TOGARAM2: variants seen among roughly 807,000 people sequenced by gnomAD.
The protein encoded by TOGARAM2 is TOG array regulator of axonemal microtubules 2, also known as TOG array regulator of axonemal microtubules protein 2.
Under a neutral mutation model 93.3 loss-of-function variants are expected in TOGARAM2, and 85 were observed. The ratio of observed to expected loss-of-function variants is 0.91; its 90% CI spans 0.76 to 1.09. The LOEUF (loss-of-function observed/expected upper bound fraction) is 1.09, where lower values mean the gene tolerates loss of function less well. Ranked by LOEUF, TOGARAM2 falls within the 50% of genes least tolerant of loss-of-function variation. The pLI, the probability that TOGARAM2 is intolerant of heterozygous loss-of-function variation, is 0.00. For synonymous variants in TOGARAM2, 593 were observed against 552.8 expected (o/e 1.07, Z -1.02); for missense variants, 1,277 against 1,334.5 (o/e 0.96, Z 0.67).
chr2:29,017,194 A>C lies in TOGARAM2; in HGVS notation c.1085A>C (p.Gln362Pro). Residue 362 changes from glutamine to proline, a missense_variant, in exon 9 of 20, where the codon CAG becomes CCG. By Grantham distance (76) the Gln-to-Pro change is moderately conservative. Coordinates refer to ENST00000379558, the MANE Select transcript of TOGARAM2 (RefSeq NM_199280.4). ...TCCAAGTCTGCCCGGGAGAAGATGC[A>C]GCTGAAGCAGATGAAGGAGATGGAG... ...TISKSAREKM[Q>P]LKQMKEMELL... is the part of the protein sequence containing the mutation. 6.2e-7 allele frequency: 1 copy of C among 1,613,706 alleles called. No homozygotes were observed. The highest frequency in any genetic ancestry group is 1.7e-5 in the Admixed American group (1 of 60,006).
At position 28,992,604 on chromosome 2, in the gene TOGARAM2, C is replaced by T. The variant is rs188704852; in HGVS notation, c.-110-2121C>T. On this transcript the variant is annotated intron_variant, in intron 1 of 19. Coordinates refer to ENST00000379558, the MANE Select transcript of TOGARAM2 (RefSeq NM_199280.4). Reference sequence around the variant, plus strand: ...TTAAGCATCCCGTAACCTCAGGCGGCTCGAGTCTTCTTTTTAGCCTCCTAG... The same window carrying T: ...TTAAGCATCCCGTAACCTCAGGCGGTTCGAGTCTTCTTTTTAGCCTCCTAG... Among the ~76,000 whole-genome samples the T allele has an allele frequency of 4.5e-4, 69 of 152,288 alleles. 1 individual carries two copies. The highest frequency in any genetic ancestry group is 3.7e-3 in the Admixed American group (57 of 15,296).
chr2:29,027,041 A>G (rs1168451614), intron 14 of TOGARAM2, 30 bp downstream of exon 14: 5 of 1,525,508 alleles, frequency 3.3e-6, no homozygotes, highest in Middle Eastern at 4.0e-4. Context: ...CTGGGGGCAG[A>G]GAAGGCAACC....
chr2:28,986,832 A>C lies in TOGARAM2; in HGVS notation c.-111+5294A>C, dbSNP rs183616234. Among the ~76,000 whole-genome samples, 221 of 152,370 alleles carry C rather than the reference A, an allele frequency of 1.5e-3. 1 individual carries two copies. The highest frequency in any genetic ancestry group is 3.1e-3 in the Admixed American group (48 of 15,310). ...CACTGTGGATCGAGCCCTTGGGCCC[A>C]ATCAGCCTATTAAATGTTTCTCATA... On this transcript the variant is annotated intron_variant, in intron 1 of 19. Coordinates refer to ENST00000379558, the MANE Select transcript of TOGARAM2 (RefSeq NM_199280.4).
intron 13 of TOGARAM2, among the ~76,000 whole-genome samples, chr2:29,026,125 G>A (rs1227092707): frequency 6.6e-6 from 1 of 152,178 alleles, no homozygotes; most frequent in Admixed American, 6.5e-5. Context: ...ATTCAGCAAG[G>A]AGTCCTTACT....
intron 2 of TOGARAM2, among the ~76,000 whole-genome samples, chr2:28,997,371 C>A (rs1673044298): frequency 6.6e-6 from 1 of 152,222 alleles, no homozygotes; most frequent in Non-Finnish European, 1.5e-5. Flanking sequence ...ATGCTCTCAG[C>A]TCAGTGGTCC....
intron 8 of TOGARAM2, among the ~76,000 whole-genome samples, chr2:29,015,083 G>T (rs537428422): frequency 2.1e-4 from 32 of 152,330 alleles, no homozygotes; most frequent in Admixed American, 2.1e-3. Flanking sequence ...GAAGCTTGGG[G>T]AGTCACTGTA....
chr2:29,035,335 G>A, intron 16 of TOGARAM2, 129 bp from the exon 17 acceptor site: 1 of 791,294 alleles, frequency 1.3e-6, no homozygotes, highest in Non-Finnish European at 1.7e-6. Flanking sequence ...GAAGCTGGGG[G>A]TGGACTAACC....
At chr2:28,975,954 AAT>A (rs1672020262) in intron 1 of TOGARAM2, among the ~76,000 whole-genome samples, 4 of 78,890 alleles carry the variant, frequency 5.1e-5, no homozygotes, top group Admixed American at 4.6e-4. Context: ...AAAAAATGAC[AAT>A]ATATGTACAG....
intron 10 of TOGARAM2, chr2:29,018,722 A>G (rs1408815568): frequency 6.6e-6 from 1 of 152,148 alleles, no homozygotes; most frequent in East Asian, 1.9e-4. Context: ...GCTAGTCTTT[A>G]GCACCTCTTT....
chr2:29,019,198 T>A lies in TOGARAM2; in HGVS notation c.1360+1242T>A, dbSNP rs866583244. ...GACTCTTTTTTTTTTTTTTTTTTTT[T>A]ATGACAGAGTCTCACTCTGTCGCCC... is the stretch of plus-strand genomic sequence containing the variant. On this transcript the variant is annotated intron_variant, in intron 10 of 19. Coordinates refer to ENST00000379558, the MANE Select transcript of TOGARAM2 (RefSeq NM_199280.4). 4.8e-3 allele frequency among the ~76,000 whole-genome samples: 692 copies of A among 143,744 alleles called. 7 individuals carry two copies. The highest frequency in any genetic ancestry group is 0.018 in the African/African-American group (648 of 36,814). 94.3% of individuals were successfully genotyped at this position (143,744 alleles called of 152,430 possible).
chr2:28,994,758 C>T lies in TOGARAM2; in HGVS notation c.-77C>T. 6.7e-7 allele frequency: 1 copy of T among 1,483,444 alleles called. No homozygotes were observed. The highest frequency in any genetic ancestry group is 9.2e-7 in the Non-Finnish European group (1 of 1,085,634). The allele number at this position is 1,483,444 out of a possible 1,614,324, so 91.9% of individuals were successfully genotyped here. Reference sequence around the variant, plus strand: ...TGTTACAGGTCAGAGCCCTCCAGACCCCCAAGGACTGTACTCACTGCCCAG... The same window carrying T: ...TGTTACAGGTCAGAGCCCTCCAGACTCCCAAGGACTGTACTCACTGCCCAG... On this transcript the variant is annotated 5_prime_UTR_variant, in exon 2 of 20. Coordinates refer to ENST00000379558, the MANE Select transcript of TOGARAM2 (RefSeq NM_199280.4).
chr2:29,017,564 G>A (rs1045343544), intron 9 of TOGARAM2, among the ~76,000 whole-genome samples: 2 of 152,138 alleles, frequency 1.3e-5, no homozygotes, highest in Non-Finnish European at 2.9e-5. Context: ...GTGCTACCAT[G>A]CTTGGCTAAT....
chr2:29,036,616 A>C lies in TOGARAM2; in HGVS notation c.2494A>C (p.Lys832Gln), dbSNP rs1466446202. 3.7e-6 allele frequency: 6 copies of C among 1,613,830 alleles called. No homozygotes were observed. The Admixed American group carries it at 8.3e-5, about 22-fold the overall frequency. The stretch of plus-strand genomic sequence containing the variant: ...CCAGTGGGCGCTGGAGTCCTTCGCC[A>C]AGATGATCCCCCTCCTCAGAGAGAG... ...VNQWALESFA[K>Q]MIPLLRESLH... The change falls in exon 18 of 20, where the codon AAG becomes CAG. Residue 832 changes from lysine (K) to glutamine (Q), a missense_variant. Physicochemically the swap from Lys to Gln is moderately conservative, Grantham distance 53 (BLOSUM62 1). Transcript: ENST00000379558.
rs114013680 is a variant in TOGARAM2, at chr2:28,994,584, T to C, written c.-110-141T>C. On this transcript the variant is annotated intron_variant, in intron 1 of 19. Coordinates refer to ENST00000379558, the MANE Select transcript of TOGARAM2 (RefSeq NM_199280.4). The stretch of plus-strand genomic sequence containing the variant: ...GGAACTGAAACATTTGTGAGTCCAA[T>C]GTCAGAAAAATGGCATCCTTTGGTT... 8.6e-3 allele frequency: 3,519 copies of C among 411,440 alleles called. 113 individuals are homozygous for C. The highest frequency in any genetic ancestry group is 0.066 in the African/African-American group (3,276 of 49,736). The allele number at this position is 411,440 out of a possible 1,614,324, so 25.5% of individuals were successfully genotyped here.
At chr2:28,991,075 C>T (rs1168980893) in intron 1 of TOGARAM2, among the ~76,000 whole-genome samples, 1 of 149,334 alleles carries the variant, frequency 6.7e-6, no homozygotes, top group African/African-American at 2.5e-5. Flanking sequence ...AAGATTCACA[C>T]CTGACATTAT....
rs189575367 is a variant in TOGARAM2, at chr2:29,005,719, G to A, written c.830+2037G>A. On this transcript the variant is annotated intron_variant, in intron 6 of 19. Transcript: ENST00000379558. ...GGAGTGCGTGCATGTGTGAGTGCATGTGTGCATGTGTGTGAGCACATATAT... is the reference window on the plus strand; with the variant it reads ...GGAGTGCGTGCATGTGTGAGTGCATATGTGCATGTGTGTGAGCACATATAT... 3.7e-4 allele frequency among the ~76,000 whole-genome samples: 55 copies of A among 148,580 alleles called. 2 individuals are homozygous for A. The highest frequency in any genetic ancestry group is 1.3e-3 in the African/African-American group (53 of 40,360).
chr2:28,978,959 A>T (rs55745162), upstream of TOGARAM2, among the ~76,000 whole-genome samples: 30,906 of 152,170 alleles, frequency 0.2, 3,615 homozygotes, highest in African/African-American at 0.31. Context: ...GGGCTTCTTT[A>T]AGAAAGAAAA....
intron 17 of TOGARAM2, among the ~76,000 whole-genome samples, chr2:29,035,892 G>A (rs947180425): frequency 2.0e-5 from 3 of 152,166 alleles, no homozygotes; most frequent in African/African-American, 4.8e-5. Flanking sequence ...AGTGAGGAGG[G>A]TAGGAGGTAG....
At position 29,035,450 on chromosome 2, in the gene TOGARAM2, C is replaced by T. The variant is rs185409179; in HGVS notation, c.2226-14C>T. 242 of 1,353,504 alleles carry T rather than the reference C, an allele frequency of 1.8e-4. No individual in the cohort carries two copies. The African/African-American group carries it at 2.4e-3, about 13-fold the overall frequency. 83.8% of individuals were successfully genotyped at this position (1,353,504 alleles called of 1,614,324 possible). A position where few individuals can be genotyped will look rare whatever the true frequency, so the allele number is the denominator to read the frequency against. Reference sequence around the variant, plus strand: ...TCTTCCCTGGGGGGTTCAGACGCCACGCTCCTTACCTAGGCTCAGCTGCAA... The same window carrying T: ...TCTTCCCTGGGGGGTTCAGACGCCATGCTCCTTACCTAGGCTCAGCTGCAA... On this transcript the variant is annotated splice_polypyrimidine_tract_variant and intron_variant, in intron 16 of 19. Transcript: ENST00000379558.
Sources: gnomAD v4.1 joint callset for allele counts (sites outside exome capture counted in the v4.1 genomes callset) on GRCh38, gnomAD v4.1.1 for gene constraint, MANE v1.5 for transcripts, NCBI Gene and HGNC (gene_info 2026-07-23, HGNC 2026-07-21) for gene names.